ARHGEF17: variants seen among roughly 807,000 people sequenced by gnomAD.
The protein encoded by ARHGEF17 is 164 kDa Rho-specific guanine-nucleotide exchange factor.
Under a neutral mutation model 174.0 loss-of-function variants are expected in ARHGEF17, and 80 were observed. The ratio of observed to expected loss-of-function variants is 0.46; its 90% CI spans 0.38 to 0.55. The LOEUF (loss-of-function observed/expected upper bound fraction) is 0.55, where lower values mean the gene tolerates loss of function less well. Ranked by LOEUF, ARHGEF17 falls within the 20% of genes least tolerant of loss-of-function variation. The probability of loss-of-function intolerance (pLI) is 0.00; values close to 1 mark genes in which losing one functional copy is unlikely to be tolerated. For synonymous variants in ARHGEF17, 1,311 were observed against 1,189.1 expected, an observed-to-expected ratio of 1.10 and a Z score of -2.11; for missense variants, 2,886 against 2,839.7, an observed-to-expected ratio of 1.02 and a Z score of -0.37.
intron 11 of ARHGEF17, among the ~76,000 whole-genome samples, 159 bp from the exon 12 acceptor site, chr11:73,360,929 C>T (rs1865727860): frequency 1.3e-5 from 2 of 152,182 alleles, no homozygotes; most frequent in South Asian, 4.2e-4. Flanking sequence ...AAGATTGAGG[C>T]CAGGAGCAAC....
rs780600853 is a variant in ARHGEF17 at position 73,309,671 on chromosome 11, G to T, written c.1033G>T (p.Gly345Cys). 1 of 1,613,092 alleles carries T rather than the reference G, an allele frequency of 6.2e-7. No individual in the cohort carries two copies. Among genetic ancestry groups the T allele is most frequent in the Non-Finnish European group, 8.5e-7 (1 of 1,180,010 alleles). Residue 345 changes from glycine to cysteine, a missense_variant, in exon 1 of 21, where the codon GGT becomes TGT. This residue lies in a region of ARHGEF17 where 1,728 missense variants were observed against 1,461.2 expected (regional missense o/e 1.18). Coordinates refer to ENST00000263674, the MANE Select transcript of ARHGEF17 (RefSeq NM_014786.4). ...TAGAGAAGAAGGACTCCGGGAGTGG[G>T]GTAGTGGCTCTCCGCCCTGCGTCCC... is the stretch of plus-strand genomic sequence containing the variant. ...APREEGLREW[G>C]SGSPPCVPGP...
At chr11:73,359,474 T>G (rs1865699448) in intron 9 of ARHGEF17, among the ~76,000 whole-genome samples, 1 of 152,248 alleles carries the variant, frequency 6.6e-6, no homozygotes, top group African/African-American at 2.4e-5. Context: ...GGGCTCTGCC[T>G]GCTCTGTCAG....
intron 18 of ARHGEF17, 30 bp downstream of exon 18, chr11:73,364,630 G>T (rs773338700): frequency 6.3e-7 from 1 of 1,592,876 alleles, no homozygotes; most frequent in African/African-American, 1.4e-5. Context: ...TGGAATTGGT[G>T]CCATGGGATG....
chr11:73,325,250 C>G (rs1275238109), intron 1 of ARHGEF17, among the ~76,000 whole-genome samples: 1 of 152,202 alleles, frequency 6.6e-6, no homozygotes, highest in Non-Finnish European at 1.5e-5. Flanking sequence ...CCCTGTCTCC[C>G]TCTGGGCCCC....
At chr11:73,354,280 G>A (rs1213641594) in intron 3 of ARHGEF17, among the ~76,000 whole-genome samples, 3 of 152,184 alleles carry the variant, frequency 2.0e-5, no homozygotes, top group South Asian at 2.1e-4. Context: ...CATGGACTAC[G>A]GCGAAGCCCT....
At chr11:73,354,767 G>A (rs936832843) in intron 3 of ARHGEF17, among the ~76,000 whole-genome samples, 2 of 151,790 alleles carry the variant, frequency 1.3e-5, no homozygotes, top group African/African-American at 4.8e-5. Context: ...TATCACTAAT[G>A]TGGTCACGTA....
chr11:73,346,777 G>C (rs1414903640), intron 1 of ARHGEF17, 106 bp from the exon 2 acceptor site: 2 of 892,898 alleles, frequency 2.2e-6, no homozygotes, highest in African/African-American at 1.8e-5. Context: ...AGGGCCAGGA[G>C]GGCAGGGAGA....
intron 1 of ARHGEF17, among the ~76,000 whole-genome samples, chr11:73,320,287 C>T (rs1362741720): frequency 6.6e-6 from 1 of 152,110 alleles, no homozygotes; most frequent in Non-Finnish European, 1.5e-5. Context: ...TCCCCCGAGG[C>T]TGTAGTCGAT....
intron 3 of ARHGEF17, chr11:73,353,370 C>A: frequency 3.5e-6 from 1 of 283,340 alleles, no homozygotes; most frequent in Non-Finnish European, 6.8e-6. Context: ...TACTGACCTC[C>A]ACCCTATCTT....
chr11:73,336,501 T>C (rs1488478061), intron 1 of ARHGEF17, among the ~76,000 whole-genome samples: 1 of 152,128 alleles, frequency 6.6e-6, no homozygotes, highest in African/African-American at 2.4e-5. Flanking sequence ...AGTCCCAGCA[T>C]AAGGAATGAG....
In ARHGEF17 at chr11:73,367,638, C is replaced by A. The variant is rs751272319; in HGVS notation, c.6050C>A (p.Pro2017His). ...CGGGACTCCCCTTGGCACCGAGGCC[C>A]CGCCCCTGCCAGGCCTAAAATGCTG... is the stretch of plus-strand genomic sequence containing the variant. Reference protein sequence around the residue: ...EHRDSPWHRGPAPARPKMLVI... With the variant: ...EHRDSPWHRGHAPARPKMLVI... Residue 2017 changes from proline to histidine, a missense_variant, in exon 21 of 21, where the codon CCC (proline) becomes CAC (histidine). Transcript: ENST00000263674. 1 of 1,613,890 alleles carries A rather than the reference C, an allele frequency of 6.2e-7. No homozygotes were observed. The highest frequency in any genetic ancestry group is 1.3e-5 in the African/African-American group (1 of 74,918).
intron 9 of ARHGEF17, among the ~76,000 whole-genome samples, chr11:73,357,774 C>T (rs1043103678): frequency 2.0e-5 from 3 of 152,252 alleles, no homozygotes; most frequent in African/African-American, 4.8e-5. Flanking sequence ...CTGTTGGGAG[C>T]TGAGGCAGCT....
chr11:73,337,567 G>A (rs1198438562), intron 1 of ARHGEF17, among the ~76,000 whole-genome samples: 3 of 152,092 alleles, frequency 2.0e-5, no homozygotes, highest in Admixed American at 2.0e-4. Context: ...CCACAGGTGT[G>A]TGCCACCAGG....
Position 73,311,216 on chromosome 11 carries a change from T to A in ARHGEF17, c.2578T>A (p.Ser860Thr). The A allele has an allele frequency of 6.2e-7, 1 of 1,605,322 alleles. No individual in the cohort carries two copies. The highest frequency in any genetic ancestry group is 8.5e-7 in the Non-Finnish European group (1 of 1,174,168). Residue 860 changes from serine to threonine, a missense_variant, in exon 1 of 21, where the codon TCC becomes ACC. By Grantham distance (58) the Ser-to-Thr change is moderately conservative. Around this residue, in one of 4 missense-constraint regions of ARHGEF17, gnomAD observed 1,728 missense variants for 1,461.2 expected, o/e 1.18. Transcript: ENST00000263674. ...IREVEPMLPP[S>T]SSEPILVEQR... ...AGAAGTTGAGCCCATGCTGCCTCCATCCAGCAGCGAGCCCATCCTTGTAGA... is the reference window on the plus strand; with the variant it reads ...AGAAGTTGAGCCCATGCTGCCTCCAACCAGCAGCGAGCCCATCCTTGTAGA...
intron 9 of ARHGEF17, among the ~76,000 whole-genome samples, chr11:73,357,968 C>T (rs1466175824): frequency 1.3e-5 from 2 of 152,202 alleles, no homozygotes; most frequent in Admixed American, 6.5e-5. Context: ...GACAGGTTTG[C>T]TCGGCCCCTT....
chr11:73,346,780 C>A, intron 1 of ARHGEF17, 103 bp from the exon 2 acceptor site: 5 of 915,206 alleles, frequency 5.5e-6, no homozygotes, highest in East Asian at 3.2e-5. Context: ...GCCAGGAGGG[C>A]AGGGAGAGGG....
intron 3 of ARHGEF17, 192 bp downstream of exon 3, chr11:73,353,204 C>T: frequency 1.4e-6 from 1 of 712,074 alleles, no homozygotes; most frequent in Non-Finnish European, 2.3e-6. Context: ...CACTCCCCTA[C>T]CCCAAAGCTT....
rs753215056 is a variant in ARHGEF17, at chr11:73,363,388, G to A, written c.5179G>A (p.Glu1727Lys). 2.5e-6 allele frequency: 4 copies of A among 1,613,294 alleles called. No homozygotes were observed. The South Asian group carries it at 3.3e-5, about 13-fold the overall frequency. Reference sequence around the variant, plus strand: ...CGGCTCCTTCACCCGGGGCAGCCTTGAGGACCTGCTGAGTGTCGACCCTGA... The same window carrying A: ...CGGCTCCTTCACCCGGGGCAGCCTTAAGGACCTGCTGAGTGTCGACCCTGA... ...SHGSFTRGSL[E>K]DLLSVDPEAY... Residue 1727 changes from glutamate (E) to lysine (K), a missense_variant, in exon 15 of 21, where the codon GAG (glutamate) becomes AAG (lysine). Physicochemically the swap from Glu to Lys is moderately conservative, Grantham distance 56 (BLOSUM62 1). Around this residue, in one of 4 missense-constraint regions of ARHGEF17, gnomAD observed 476 missense variants for 473.1 expected, o/e 1.01. Transcript: ENST00000263674.
chr11:73,325,032 G>A (rs1295515813), intron 1 of ARHGEF17, among the ~76,000 whole-genome samples: 1 of 152,092 alleles, frequency 6.6e-6, no homozygotes, highest in African/African-American at 2.4e-5. Context: ...TTGGGAAGGT[G>A]GAGAGATGGG....
Sources: gnomAD v4.1 joint callset for allele counts (sites outside exome capture counted in the v4.1 genomes callset) on GRCh38, gnomAD v4.1.1 for gene constraint, gnomAD v4.1.1 regional missense constraint, MANE v1.5 for transcripts, NCBI Gene and HGNC (gene_info 2026-07-23, HGNC 2026-07-21) for gene names.